PLCB1: variants seen among roughly 807,000 people sequenced by gnomAD.
PLCB1 encodes 1-phosphatidylinositol 4,5-bisphosphate phosphodiesterase beta-1.
PLCB1 carries 46 observed loss-of-function variants against 161.8 expected under a neutral mutation model. That is an observed-to-expected ratio of 0.28 (90% CI 0.22 to 0.36). The LOEUF (loss-of-function observed/expected upper bound fraction) is 0.36, where lower values mean the gene tolerates loss of function less well. PLCB1 is among the 10% of genes least tolerant of loss of function. The probability of loss-of-function intolerance (pLI) is 1.00; values close to 1 mark genes in which losing one functional copy is unlikely to be tolerated. For missense variants in PLCB1, 1,016 were observed against 1,472.5 expected (o/e 0.69, Z 5.07); for synonymous variants, 517 against 503.7 (o/e 1.03, Z -0.35).
intron 9 of PLCB1, among the ~76,000 whole-genome samples, chr20:8,672,399 C>CTTT (rs11289990): frequency 7.2e-6 from 1 of 138,558 alleles, no homozygotes; most frequent in African/African-American, 2.7e-5. Flanking sequence ...CTGTTATACT[C>CTTT]TTTTTTTTTT....
intron 2 of PLCB1, among the ~76,000 whole-genome samples, chr20:8,349,596 T>C (rs1408728348): frequency 6.6e-6 from 1 of 152,224 alleles, no homozygotes; most frequent in East Asian, 1.9e-4. Context: ...AGCAAAGCAT[T>C]TTGCTTAAGC....
At position 8,629,859 on chromosome 20, in the gene PLCB1, TTCTTTCTTTCTTTCTTTC is replaced by T. The variant is rs138188891; in HGVS notation, c.384+1432_384+1449del. Among the ~76,000 whole-genome samples the T allele has an allele frequency of 7.1e-3, 713 of 100,188 alleles. 7 individuals carry two copies. Among genetic ancestry groups the T allele is most frequent in the South Asian group, 0.015 (50 of 3,414 alleles). The allele number at this position is 100,188 out of a possible 152,430, so 65.7% of individuals were successfully genotyped here. A position where few individuals can be genotyped will look rare whatever the true frequency, so the allele number is the denominator to read the frequency against. ...TTTCTTTCTTTCTTTCTTTCTTTCT[TTCTTTCTTTCTTTCTTTC>T]TCTCTCTCTTTCTTTTCTTTCTTTC... On this transcript the variant is annotated intron_variant, in intron 4 of 31. Coordinates refer to ENST00000338037, the MANE Select transcript of PLCB1 (RefSeq NM_015192.4).
intron 3 of PLCB1, among the ~76,000 whole-genome samples, chr20:8,501,086 G>T (rs373895314): frequency 2.0e-5 from 3 of 152,032 alleles, no homozygotes; most frequent in South Asian, 2.1e-4. Context: ...ATCATTTTTC[G>T]TTCTCATGCT....
intron 3 of PLCB1, among the ~76,000 whole-genome samples, chr20:8,469,267 A>C (rs1453043181): frequency 6.6e-6 from 1 of 152,202 alleles, no homozygotes; most frequent in Non-Finnish European, 1.5e-5. Flanking sequence ...ATAGTAGAAG[A>C]GAACTTAAGA....
At chr20:8,303,362 C>T (rs1411390581) in intron 2 of PLCB1, among the ~76,000 whole-genome samples, 1 of 152,146 alleles carries the variant, frequency 6.6e-6, no homozygotes, top group Non-Finnish European at 1.5e-5. Flanking sequence ...ACTTACCCTC[C>T]TGAGCAGACA....
chr20:8,523,465 G>GCGCTCTCTCTCTCTCTCTCTCT (rs1484103619), intron 3 of PLCB1, among the ~76,000 whole-genome samples: 1 of 48,796 alleles, frequency 2.0e-5, no homozygotes, highest in Admixed American at 2.5e-4. Flanking sequence ...TATATATTTG[G>GCGCTCTCTCTCTCTCTCTCTCT]CTCTCTCTCT....
intron 2 of PLCB1, among the ~76,000 whole-genome samples, chr20:8,278,736 G>T (rs1388962958): frequency 6.6e-6 from 1 of 152,084 alleles, no homozygotes; most frequent in Non-Finnish European, 1.5e-5. Context: ...GTGAAGATTG[G>T]TGTAAACACT....
At chr20:8,468,806 A>G (rs1233406819) in intron 3 of PLCB1, among the ~76,000 whole-genome samples, 1 of 152,200 alleles carries the variant, frequency 6.6e-6, no homozygotes. Flanking sequence ...ACAGTGCTAT[A>G]AAAATGATAT....
intron 31 of PLCB1, among the ~76,000 whole-genome samples, chr20:8,793,486 A>G (rs1427410954): frequency 6.6e-6 from 1 of 152,074 alleles, no homozygotes; most frequent in Admixed American, 6.6e-5. Context: ...TAAAAAAGAG[A>G]GAAATTTTAA....
At chr20:8,729,360 A>C in intron 18 of PLCB1, 186 bp downstream of exon 18, 2 of 406,472 alleles carry the variant, frequency 4.9e-6, no homozygotes, top group Non-Finnish European at 8.6e-6. Context: ...CATGTTCTTC[A>C]ATTATTCTGT....
intron 2 of PLCB1, among the ~76,000 whole-genome samples, chr20:8,161,577 G>T (rs933854541): frequency 1.3e-5 from 2 of 152,122 alleles, no homozygotes; most frequent in Non-Finnish European, 2.9e-5. Context: ...TTGCCTGCAG[G>T]ATTTTTTTCC....
Position 8,304,648 on chromosome 20 carries a change from G to A in PLCB1, c.178-66734G>A, listed in dbSNP as rs142983492. On this transcript the variant is annotated intron_variant, in intron 2 of 31. Coordinates refer to ENST00000338037, the MANE Select transcript of PLCB1 (RefSeq NM_015192.4). ...CTTTGAGAGTGCTTTGTGTGTGTGTGTGTGGGTGTGTCCACTTGCTCTTAT... is the reference window on the plus strand; with the variant it reads ...CTTTGAGAGTGCTTTGTGTGTGTGTATGTGGGTGTGTCCACTTGCTCTTAT... 2.3e-3 allele frequency among the ~76,000 whole-genome samples: 344 copies of A among 152,040 alleles called. 1 individual carries two copies. The highest frequency in any genetic ancestry group is 8.0e-3 in the African/African-American group (332 of 41,474).
intron 31 of PLCB1, among the ~76,000 whole-genome samples, chr20:8,868,673 C>T (rs1379381314): frequency 6.6e-6 from 1 of 152,122 alleles, no homozygotes; most frequent in Non-Finnish European, 1.5e-5. Context: ...ACTCTGTCAC[C>T]CAGGCTGGAG....
intron 3 of PLCB1, among the ~76,000 whole-genome samples, chr20:8,541,222 T>C (rs1040828079): frequency 6.6e-6 from 1 of 152,196 alleles, no homozygotes; most frequent in Non-Finnish European, 1.5e-5. Flanking sequence ...TTTCAACATA[T>C]AGTAGCTTTG....
intron 31 of PLCB1, among the ~76,000 whole-genome samples, chr20:8,833,746 A>G (rs1460029835): frequency 6.6e-6 from 1 of 152,182 alleles, no homozygotes; most frequent in Admixed American, 6.5e-5. Flanking sequence ...GTTTTAAGCC[A>G]CTCAATTTTT....
intron 2 of PLCB1, among the ~76,000 whole-genome samples, chr20:8,173,644 C>A (rs994799716): frequency 1.3e-5 from 2 of 152,144 alleles, no homozygotes; most frequent in African/African-American, 4.8e-5. Flanking sequence ...TGGCTTGAGT[C>A]AGAAAAATTT....
intron 1 of PLCB1, among the ~76,000 whole-genome samples, chr20:8,142,772 A>G (rs551615909): frequency 6.6e-6 from 1 of 152,366 alleles, no homozygotes; most frequent in African/African-American, 2.4e-5. Context: ...AAGTAACAAG[A>G]CATAGTTCTA....
chr20:8,498,787 C>T (rs375588794), intron 3 of PLCB1, among the ~76,000 whole-genome samples: 1 of 152,110 alleles, frequency 6.6e-6, no homozygotes, highest in Non-Finnish European at 1.5e-5. Context: ...TGCTGATGTA[C>T]GTCAGACTAA....
intron 31 of PLCB1, among the ~76,000 whole-genome samples, chr20:8,834,426 T>C (rs1290275742): frequency 1.3e-5 from 2 of 151,636 alleles, no homozygotes; most frequent in African/African-American, 4.8e-5. Flanking sequence ...TATGTGTATG[T>C]GTATGAGATT....
Sources: gnomAD v4.1 joint callset for allele counts (sites outside exome capture counted in the v4.1 genomes callset) on GRCh38, gnomAD v4.1.1 for gene constraint, MANE v1.5 for transcripts, NCBI Gene and HGNC (gene_info 2026-07-23, HGNC 2026-07-21) for gene names.